FRMD1: variants seen among roughly 807,000 people sequenced by gnomAD.
The protein encoded by FRMD1 is FERM domain-containing protein 1.
A neutral mutation model predicts 54.9 loss-of-function variants in FRMD1; 51 were observed. That is an observed-to-expected ratio of 0.93 (90% CI 0.74 to 1.17). The LOEUF is 1.17. Among genes scored for constraint, FRMD1 ranks in the 50% most tolerant of loss-of-function variants. FRMD1 has a pLI of 0.00. For synonymous variants in FRMD1, 324 were observed against 306.4 expected (o/e 1.06, Z -0.60); for missense variants, 729 against 743.0 (o/e 0.98, Z 0.22).
At chr6:168,082,508 C>G (rs1288268509), upstream of FRMD1, among the ~76,000 whole-genome samples, 4 of 152,236 alleles carry the variant, frequency 2.6e-5, no homozygotes, top group Admixed American at 1.3e-4. Flanking sequence ...GCGAGGGCTT[C>G]TCGCCGTGCT....
At position 168,062,887 on chromosome 6, in the gene FRMD1, C is replaced by A. The variant is rs565524299; in HGVS notation, c.870+7G>T. 4 of 1,613,230 alleles carry A rather than the reference C, an allele frequency of 2.5e-6. No individual in the cohort carries two copies. The highest frequency in any genetic ancestry group is 3.4e-6 in the Non-Finnish European group (4 of 1,179,242). On this transcript the variant is annotated splice_region_variant and intron_variant, in intron 7 of 10. Transcript: ENST00000283309. ...GGGCTCTGTGAGGCTGGAGCCCCTTCGGTCACCTGGTAGATGTGCACTCCC... is the reference window on the plus strand; with the variant it reads ...GGGCTCTGTGAGGCTGGAGCCCCTTAGGTCACCTGGTAGATGTGCACTCCC...
rs143590279 is a variant in FRMD1, at chr6:168,060,933, G to A, written c.1170C>T (p.Ala390=). Residue 390 remains alanine, a synonymous_variant, in exon 9 of 11, where the codon GCC becomes GCT. Transcript: ENST00000283309. The part of the protein sequence containing the change: ...HCPHCLSRHS[A]DSHGSSYTSG... The stretch of plus-strand genomic sequence containing the variant: ...ACGTGTAGGAACTGCCGTGGCTGTC[G>A]GCGGAGTGGCGTGAGAGGCAGTGGG... 207 of 1,613,580 alleles carry A rather than the reference G, an allele frequency of 1.3e-4. No homozygotes were observed. The highest frequency in any genetic ancestry group is 4.8e-5 in the Non-Finnish European group (57 of 1,180,036).
chr6:168,088,111 C>A (rs1472510813), intron 1 of FRMD1, among the ~76,000 whole-genome samples: 1 of 152,180 alleles, frequency 6.6e-6, no homozygotes, highest in Admixed American at 6.5e-5. Context: ...GGGGTTAGGG[C>A]GCTCTTCGTT....
At position 168,057,552 on chromosome 6, in the gene FRMD1, C is replaced by T. The variant is rs976763453; in HGVS notation, c.1408-213G>A. On this transcript the variant is annotated intron_variant, in intron 10 of 10. Coordinates refer to ENST00000283309, the MANE Select transcript of FRMD1 (RefSeq NM_024919.6). Reference sequence around the variant, plus strand: ...CTTCCTTTGATGCATTTCAGGAGGCCCCCACCTTGCCCAGCTTCTTTCCTG... The same window carrying T: ...CTTCCTTTGATGCATTTCAGGAGGCTCCCACCTTGCCCAGCTTCTTTCCTG... 31 of 623,078 alleles carry T rather than the reference C, an allele frequency of 5.0e-5. 1 individual carries two copies. In the South Asian group the frequency reaches 5.7e-4, roughly 11 times the overall value. 38.6% of individuals were successfully genotyped at this position (623,078 alleles called of 1,614,324 possible).
chr6:168,075,402 A>T, intron 1 of FRMD1, 67 bp from the exon 2 acceptor site: 6 of 1,333,014 alleles, frequency 4.5e-6, no homozygotes, highest in Non-Finnish European at 6.4e-6. Flanking sequence ...CCACCTCAGC[A>T]AACGAGGCCC....
intron 3 of FRMD1, 103 bp from the exon 4 acceptor site, chr6:168,066,934 T>A: frequency 7.0e-7 from 1 of 1,435,048 alleles, no homozygotes; most frequent in Non-Finnish European, 9.6e-7. Context: ...ACACTCAGCT[T>A]AAAGTCGAAG....
intron 1 of FRMD1, among the ~76,000 whole-genome samples, chr6:168,086,573 T>C (rs6935209): frequency 4.2e-5 from 3 of 71,892 alleles, no homozygotes; most frequent in Admixed American, 1.5e-4. Flanking sequence ...ACGTGCCCAG[T>C]GTGGACACTG....
chr6:168,086,918 C>T (rs1322692245), intron 1 of FRMD1, among the ~76,000 whole-genome samples: 2 of 152,220 alleles, frequency 1.3e-5, no homozygotes, highest in Non-Finnish European at 2.9e-5. Context: ...GAGCCACCCT[C>T]CTCCTTGAGG....
chr6:168,062,098 T>C (rs1799774424), intron 7 of FRMD1, 117 bp from the exon 8 acceptor site: 2 of 1,081,122 alleles, frequency 1.8e-6, no homozygotes, highest in Admixed American at 2.3e-5. Context: ...AGGTTTTCAC[T>C]TCGCAGTGCA....
chr6:168,086,292 G>T (rs1277363442), upstream of FRMD1, among the ~76,000 whole-genome samples: 1 of 145,634 alleles, frequency 6.9e-6, no homozygotes, highest in Non-Finnish European at 1.5e-5. Context: ...CATGGACACT[G>T]CCCACGTTCC....
intron 1 of FRMD1, among the ~76,000 whole-genome samples, chr6:168,089,718 A>C (rs1800983013): frequency 6.6e-6 from 1 of 152,202 alleles, no homozygotes; most frequent in Non-Finnish European, 1.5e-5. Flanking sequence ...GGGGAGCGGA[A>C]AATCGAAGGC....
intron 10 of FRMD1, among the ~76,000 whole-genome samples, chr6:168,058,685 C>T (rs1199683647): frequency 6.6e-6 from 1 of 152,170 alleles, no homozygotes; most frequent in African/African-American, 2.4e-5. Flanking sequence ...GATCCTAAGG[C>T]TCAGTAGCTC....
upstream of FRMD1, among the ~76,000 whole-genome samples, chr6:168,084,632 G>A (rs1400426692): frequency 6.6e-6 from 1 of 152,214 alleles, no homozygotes; most frequent in South Asian, 2.1e-4. Flanking sequence ...AAAGGCAGGC[G>A]TGCAGGACCC....
intron 2 of FRMD1, among the ~76,000 whole-genome samples, chr6:168,071,954 A>G (rs60363168): frequency 0.066 from 10,011 of 152,250 alleles, 404 homozygotes; most frequent in East Asian, 0.19. Flanking sequence ...CCTTGTGCTC[A>G]GACACACGGC....
chr6:168,062,477 A>G (rs1799799806), intron 7 of FRMD1, among the ~76,000 whole-genome samples: 4 of 152,258 alleles, frequency 2.6e-5, no homozygotes. Flanking sequence ...CTCACCGGGC[A>G]GCTAAACACC....
chr6:168,062,555 G>A, intron 7 of FRMD1: 2 of 1,097,778 alleles, frequency 1.8e-6, no homozygotes, highest in Non-Finnish European at 2.6e-6. Flanking sequence ...GCCCCCGAGA[G>A]GCCGGCAGGA....
upstream of FRMD1, among the ~76,000 whole-genome samples, chr6:168,084,568 G>T (rs1019605681): frequency 2.6e-5 from 4 of 152,196 alleles, no homozygotes; most frequent in Non-Finnish European, 4.4e-5. Flanking sequence ...GGTGCATTGA[G>T]CTTGGTCCCC....
Position 168,067,213 on chromosome 6 carries a change from T to C in FRMD1, c.384+154A>G, listed in dbSNP as rs1045908272. 2.3e-5 allele frequency: 15 copies of C among 663,008 alleles called. No individual in the cohort carries two copies. The Admixed American group carries it at 2.4e-4, about 11-fold the overall frequency. 41.1% of individuals were successfully genotyped at this position (663,008 alleles called of 1,614,324 possible). A position where few individuals can be genotyped will look rare whatever the true frequency, so the allele number is the denominator to read the frequency against. ...TCCCACCCCACGCATCCCACCACTG[T>C]CCACCGTGGTGCCCTGCTCTCTCCC... is the stretch of plus-strand genomic sequence containing the variant. On this transcript the variant is annotated intron_variant, in intron 3 of 10. Coordinates refer to ENST00000283309, the MANE Select transcript of FRMD1 (RefSeq NM_024919.6).
intron 10 of FRMD1, among the ~76,000 whole-genome samples, chr6:168,058,198 CA>C (rs35764364): frequency 6.8e-6 from 1 of 147,636 alleles, no homozygotes; most frequent in Non-Finnish European, 1.5e-5. Context: ...TCTCTCCATC[CA>C]GCCTCCCGTG....
Sources: gnomAD v4.1 joint callset for allele counts (sites outside exome capture counted in the v4.1 genomes callset) on GRCh38, gnomAD v4.1.1 for gene constraint, MANE v1.5 for transcripts, NCBI Gene and HGNC (gene_info 2026-07-23, HGNC 2026-07-21) for gene names.